The following ST7 variants were observed in gnomAD, a reference collection of about 807,000 sequenced individuals.
ST7 encodes suppressor of tumorigenicity 7 protein.
A neutral mutation model predicts 78.7 loss-of-function variants in ST7; 28 were observed. The ratio of observed to expected loss-of-function variants is 0.36; its 90% CI spans 0.26 to 0.49. The LOEUF (loss-of-function observed/expected upper bound fraction) is 0.49. Ranked by LOEUF, ST7 falls within the 20% of genes least tolerant of loss-of-function variation. The probability of loss-of-function intolerance (pLI) is 0.99; values close to 1 mark genes in which losing one functional copy is unlikely to be tolerated. For synonymous variants in ST7, 247 were observed against 249.6 expected (o/e 0.99, Z 0.10); for missense variants, 418 against 696.0 (o/e 0.60, Z 4.49).
chr7:117,059,032 G>A (rs1168979356), intron 1 of ST7, among the ~76,000 whole-genome samples: 1 of 152,140 alleles, frequency 6.6e-6, no homozygotes, highest in Non-Finnish European at 1.5e-5. Context: ...TAGAAGGATG[G>A]TTACCAGAGA....
At chr7:117,024,140 T>C (rs1382870123) in intron 1 of ST7, among the ~76,000 whole-genome samples, 1 of 152,132 alleles carries the variant, frequency 6.6e-6, no homozygotes, top group Non-Finnish European at 1.5e-5. Context: ...TTAAAATAAA[T>C]TGATTAAATT....
chr7:117,014,533 T>C (rs1795520553), intron 1 of ST7, among the ~76,000 whole-genome samples: 1 of 152,254 alleles, frequency 6.6e-6, no homozygotes, highest in African/African-American at 2.4e-5. Context: ...AATATGCATA[T>C]GTACTATCAA....
At chr7:117,102,261 C>T (rs962669237) in intron 2 of ST7, among the ~76,000 whole-genome samples, 2 of 152,122 alleles carry the variant, frequency 1.3e-5, no homozygotes, top group Admixed American at 6.5e-5. Context: ...TCACATTTGT[C>T]GGGGCGGGGG....
chr7:117,077,199 T>A (rs1799414758), intron 1 of ST7, among the ~76,000 whole-genome samples: 1 of 152,186 alleles, frequency 6.6e-6, no homozygotes, highest in Admixed American at 6.5e-5. Context: ...CTCTGCTGCC[T>A]GAGTCTAGGG....
chr7:117,131,879 A>C lies in ST7; in HGVS notation c.566-6A>C. 1 of 1,610,038 alleles carries C rather than the reference A, an allele frequency of 6.2e-7. No individual in the cohort carries two copies. Among genetic ancestry groups the C allele is most frequent in the East Asian group, 2.2e-5 (1 of 44,784 alleles). ...TGACTTGGTGTTTTCTCTTTTTCTTAAATAGTAATGCAGAAAGCCTGGAGA... is the reference window on the plus strand; with the variant it reads ...TGACTTGGTGTTTTCTCTTTTTCTTCAATAGTAATGCAGAAAGCCTGGAGA... On this transcript the variant is annotated splice_region_variant and splice_polypyrimidine_tract_variant and intron_variant, in intron 5 of 15. Transcript: ENST00000323984.
intron 3 of ST7, among the ~76,000 whole-genome samples, chr7:117,121,733 A>G (rs1007634469): frequency 6.6e-6 from 1 of 152,132 alleles, no homozygotes; most frequent in African/African-American, 2.4e-5. Flanking sequence ...TGTCTCCTTC[A>G]ATAGACAGAG....
At chr7:117,094,204 C>T (rs1020332828) in intron 1 of ST7, among the ~76,000 whole-genome samples, 1 of 152,188 alleles carries the variant, frequency 6.6e-6, no homozygotes, top group Non-Finnish European at 1.5e-5. Flanking sequence ...TTTCACATAT[C>T]TAATTCCCCA....
At chr7:117,009,422 A>G (rs1484395517) in intron 1 of ST7, among the ~76,000 whole-genome samples, 8 of 152,122 alleles carry the variant, frequency 5.3e-5, no homozygotes, top group African/African-American at 1.9e-4. Context: ...AAGCTTTTCT[A>G]CAGAGGGATA....
intron 9 of ST7, chr7:117,145,529 G>A (rs1281823560): frequency 6.6e-6 from 1 of 152,186 alleles, no homozygotes; most frequent in East Asian, 1.9e-4. Flanking sequence ...TTCCCTTGTA[G>A]CTGCATTACC....
At chr7:117,021,019 A>AT (rs1795877939) in intron 1 of ST7, among the ~76,000 whole-genome samples, 2 of 152,284 alleles carry the variant, frequency 1.3e-5, no homozygotes, top group East Asian at 1.9e-4. Context: ...AAAGGCTTAC[A>AT]TTTTTTCATC....
chr7:117,006,445 A>C (rs1244431425), intron 1 of ST7, among the ~76,000 whole-genome samples: 2 of 152,258 alleles, frequency 1.3e-5, no homozygotes, highest in Admixed American at 1.3e-4. Context: ...ATTGCTAGGC[A>C]TTAGATGTAA....
chr7:116,958,691 T>A (rs1792658850), intron 1 of ST7: 1 of 470,934 alleles, frequency 2.1e-6, no homozygotes, highest in Non-Finnish European at 4.4e-6. Context: ...ATAAAGTGAG[T>A]CCCATGAAAT....
intron 1 of ST7, among the ~76,000 whole-genome samples, chr7:117,033,202 G>A (rs1323567577): frequency 6.6e-6 from 1 of 152,110 alleles, no homozygotes; most frequent in African/African-American, 2.4e-5. Context: ...AACATGCTGT[G>A]TATATATTTG....
chr7:117,026,411 A>AT (rs1489137081), intron 1 of ST7, among the ~76,000 whole-genome samples: 1 of 152,212 alleles, frequency 6.6e-6, no homozygotes, highest in Non-Finnish European at 1.5e-5. Context: ...TAACATAATT[A>AT]TTAATGTTTT....
chr7:117,217,253 C>T (rs988873458), intron 13 of ST7, among the ~76,000 whole-genome samples: 1 of 150,072 alleles, frequency 6.7e-6, no homozygotes, highest in African/African-American at 2.5e-5. Context: ...TACAGCAACC[C>T]AGCAGCCCTT....
At chr7:117,164,439 G>C (rs1295832155) in intron 9 of ST7, among the ~76,000 whole-genome samples, 1 of 152,148 alleles carries the variant, frequency 6.6e-6, no homozygotes, top group African/African-American at 2.4e-5. Flanking sequence ...TGATATGAGG[G>C]GGTGGGTGGT....
At chr7:116,984,518 C>A (rs1470277088) in intron 1 of ST7, among the ~76,000 whole-genome samples, 1 of 152,060 alleles carries the variant, frequency 6.6e-6, no homozygotes, top group African/African-American at 2.4e-5. Flanking sequence ...TATTGTATTA[C>A]TTAATTTTTT....
intron 1 of ST7, among the ~76,000 whole-genome samples, chr7:117,089,817 G>T (rs902685102): frequency 3.3e-5 from 5 of 151,940 alleles, no homozygotes; most frequent in Admixed American, 6.6e-5. Flanking sequence ...TGATCCTCCC[G>T]CCTCGGCCTC....
intron 1 of ST7, among the ~76,000 whole-genome samples, chr7:117,038,189 A>G (rs1796996570): frequency 6.6e-6 from 1 of 152,210 alleles, no homozygotes; most frequent in African/African-American, 2.4e-5. Context: ...GACAGTTCCT[A>G]CTGCTGGGAA....
Sources: gnomAD v4.1 joint callset for allele counts (sites outside exome capture counted in the v4.1 genomes callset) on GRCh38, gnomAD v4.1.1 for gene constraint, MANE v1.5 for transcripts, NCBI Gene and HGNC (gene_info 2026-07-23, HGNC 2026-07-21) for gene names.